Variants in NIBAN3 observed in about 807,000 individuals in gnomAD.
NIBAN3 encodes the protein niban apoptosis regulator 3, also known as protein Niban 3.
NIBAN3 carries 66 observed loss-of-function variants against 76.4 expected under a neutral mutation model. That is an observed-to-expected ratio of 0.86 (90% CI 0.71 to 1.06). The LOEUF is 1.06. Ranked by LOEUF, NIBAN3 falls within the 50% of genes least tolerant of loss-of-function variation. The probability of loss-of-function intolerance (pLI) is 0.00; values close to 1 mark genes in which losing one functional copy is unlikely to be tolerated. For missense variants in NIBAN3, 808 were observed against 810.7 expected, an observed-to-expected ratio of 1.00 and a Z score of 0.04; for synonymous variants, 360 against 355.2, an observed-to-expected ratio of 1.01 and a Z score of -0.15.
chr19:17,546,611 G>C, intron 12 of NIBAN3, 75 bp from the exon 13 acceptor site: 1 of 1,403,124 alleles, frequency 7.1e-7, no homozygotes, highest in Non-Finnish European at 9.3e-7. Flanking sequence ...CCCAGGGCTA[G>C]GGCAGAAGCC....
chr19:17,539,307 TC>T, intron 6 of NIBAN3, 39 bp from the exon 7 acceptor site: 1 of 1,560,694 alleles, frequency 6.4e-7, no homozygotes, highest in East Asian at 2.4e-5. Context: ...CCCAGGACCC[TC>T]CCGGCCGACC....
At chr19:17,529,753 C>G (rs2075678580) in intron 1 of NIBAN3, among the ~76,000 whole-genome samples, 1 of 152,134 alleles carries the variant, frequency 6.6e-6, no homozygotes, top group Non-Finnish European at 1.5e-5. Flanking sequence ...CTCAGCAAAC[C>G]ATATGCTTAC....
rs569133166 is a variant in NIBAN3, at chr19:17,551,965, C to T, written c.*67C>T. 26 of 696,864 alleles carry T rather than the reference C, an allele frequency of 3.7e-5. No homozygotes were observed. Among genetic ancestry groups the T allele is most frequent in the Middle Eastern group, 3.0e-4 (1 of 3,380 alleles). 43.2% of individuals were successfully genotyped at this position (696,864 alleles called of 1,614,324 possible). On this transcript the variant is annotated 3_prime_UTR_variant, in exon 15 of 15. Coordinates refer to ENST00000599164, the MANE Select transcript of NIBAN3 (RefSeq NM_001321827.2). Reference sequence around the variant, plus strand: ...TACAAGTGGAATTTCTGGGCCAAAACGGATGTGCCATCTTTAGGCTTTTGT... The same window carrying T: ...TACAAGTGGAATTTCTGGGCCAAAATGGATGTGCCATCTTTAGGCTTTTGT...
Position 17,551,988 on chromosome 19 carries a change from T to C in NIBAN3, c.*90T>C. 1 of 631,038 alleles carries C rather than the reference T, an allele frequency of 1.6e-6. No individual in the cohort carries two copies. The highest frequency in any genetic ancestry group is 3.0e-6 in the Non-Finnish European group (1 of 332,944). 39.1% of individuals were successfully genotyped at this position (631,038 alleles called of 1,614,324 possible). ...AACGGATGTGCCATCTTTAGGCTTT[T>C]GTAACCCCTGCAACTTCAGAAAACT... is the stretch of plus-strand genomic sequence containing the variant. On this transcript the variant is annotated 3_prime_UTR_variant, in exon 15 of 15. Coordinates refer to ENST00000599164, the MANE Select transcript of NIBAN3 (RefSeq NM_001321827.2).
intron 3 of NIBAN3, among the ~76,000 whole-genome samples, chr19:17,533,260 A>G (rs1157519789): frequency 2.6e-5 from 4 of 151,922 alleles, no homozygotes; most frequent in African/African-American, 7.2e-5. Context: ...AAATACAAAA[A>G]TTAGCCTGCT....
intron 8 of NIBAN3, 129 bp from the exon 9 acceptor site, chr19:17,540,263 C>T: frequency 1.6e-6 from 1 of 622,620 alleles, no homozygotes; most frequent in East Asian, 3.4e-5. Flanking sequence ...TCAGTTTTCT[C>T]ATCATTACAA....
rs1250547390 is a variant in NIBAN3 at position 17,551,255 on chromosome 19, C to T, written c.1751-531C>T. 3.3e-5 allele frequency among the ~76,000 whole-genome samples: 5 copies of T among 151,530 alleles called. No individual in the cohort carries two copies. In the East Asian group the frequency reaches 9.7e-4, roughly 29 times the overall value. ...GGATTACAGGCGTCCACCACCACGC[C>T]CGGCTACTTTTGTATTTTTAGTAGA... On this transcript the variant is annotated intron_variant, in intron 14 of 14. Transcript: ENST00000599164.
chr19:17,551,420 T>G lies in NIBAN3; in HGVS notation c.1751-366T>G, dbSNP rs540340357. ...TACATTTCTTTTTTTTTATTTTTATTTTTTGAGATGGAGTTTCGCTCTTGT... is the reference window on the plus strand; with the variant it reads ...TACATTTCTTTTTTTTTATTTTTATGTTTTGAGATGGAGTTTCGCTCTTGT... On this transcript the variant is annotated intron_variant, in intron 14 of 14. Transcript: ENST00000599164. 1.9e-3 allele frequency among the ~76,000 whole-genome samples: 295 copies of G among 151,700 alleles called. 2 individuals are homozygous for G. Among genetic ancestry groups the G allele is most frequent in the Non-Finnish European group, 1.4e-3 (98 of 67,924 alleles).
chr19:17,539,712 C>A lies in NIBAN3; in HGVS notation c.926C>A (p.Pro309Gln). 1 of 1,548,020 alleles carries A rather than the reference C, an allele frequency of 6.5e-7. No homozygotes were observed. Residue 309 changes from proline to glutamine, a missense_variant, in exon 8 of 15, where the codon CCG becomes CAG. Physicochemically the swap from Pro to Gln is moderately conservative, Grantham distance 76. Coordinates refer to ENST00000599164, the MANE Select transcript of NIBAN3 (RefSeq NM_001321827.2). The stretch of plus-strand genomic sequence containing the variant: ...GCGTCGCTGGAGAAGACGATCCGCC[C>A]GGACGTGGACCAGCTGCTGCGGCAG... ...LLASLEKTIR[P>Q]DVDQLLRQRA...
At position 17,546,702 on chromosome 19, in the gene NIBAN3, A is replaced by AG; in HGVS notation, c.1576dup (p.Asp526GlyfsTer13). 6.3e-7 allele frequency: 1 copy of AG among 1,588,564 alleles called. No homozygotes were observed. The highest frequency in any genetic ancestry group is 1.3e-5 in the African/African-American group (1 of 74,318). ...TGGTTCCAGGAGCTGCCTGAGTTCGAGGGGGATGTCCTTGCCGTGGGCAGC... is the reference window on the plus strand; with the variant it reads ...TGGTTCCAGGAGCTGCCTGAGTTCGAGGGGGGATGTCCTTGCCGTGGGCAGC... On this transcript the variant is annotated frameshift_variant, in exon 13 of 15. Transcript: ENST00000599164. LOFTEE classifies it high-confidence loss of function.
At chr19:17,543,991 CAAAA>C (rs11313110) in intron 12 of NIBAN3, 39 of 64,374 alleles carry the variant, frequency 6.1e-4, no homozygotes, top group Middle Eastern at 9.6e-3. Context: ...AACTCAGTCT[CAAAA>C]AAAAAAAAAA....
At chr19:17,543,458 C>T (rs770378293) in intron 11 of NIBAN3, 25 bp downstream of exon 11, 10 of 1,608,336 alleles carry the variant, frequency 6.2e-6, no homozygotes, top group Non-Finnish European at 7.7e-6. Context: ...TACGGGGTGG[C>T]ATGGGGTGGC....
chr19:17,534,165 A>T (rs1251764228), intron 4 of NIBAN3, among the ~76,000 whole-genome samples: 1 of 152,036 alleles, frequency 6.6e-6, no homozygotes, highest in Non-Finnish European at 1.5e-5. Context: ...GCCCCACTGC[A>T]CTCCAGCCTG....
Position 17,532,312 on chromosome 19 carries a change from G to A in NIBAN3, c.236G>A (p.Gly79Asp). Residue 79 changes from glycine (G) to aspartate (D), a missense_variant, in exon 3 of 15, where the codon GGC becomes GAC. Coordinates refer to ENST00000599164, the MANE Select transcript of NIBAN3 (RefSeq NM_001321827.2). The stretch of plus-strand genomic sequence containing the variant: ...CGAGGACCCCTGACCCAGCTTCGGG[G>A]CCACCCACCCCGGTGGCAGCCGATC... The part of the protein sequence containing the change: ...EHRGPLTQLR[G>D]HPPRWQPIFC... 6.2e-7 allele frequency: 1 copy of A among 1,614,100 alleles called. No individual in the cohort carries two copies. Among genetic ancestry groups the A allele is most frequent in the South Asian group, 1.1e-5 (1 of 91,086 alleles).
chr19:17,532,611 T>A (rs1189599400), intron 3 of NIBAN3, among the ~76,000 whole-genome samples: 1 of 152,194 alleles, frequency 6.6e-6, no homozygotes, highest in Non-Finnish European at 1.5e-5. Context: ...GATAGGGTCG[T>A]GGTCAGTATC....
chr19:17,527,728 G>T (rs112013160), intron 1 of NIBAN3, among the ~76,000 whole-genome samples: 2,558 of 146,150 alleles, frequency 0.018, 77 homozygotes, highest in African/African-American at 0.06. Flanking sequence ...TTCATTGGTT[G>T]TTTTTTTTTT....
chr19:17,553,697 G>C (rs2076190611), downstream of NIBAN3: 13 of 766,012 alleles, frequency 1.7e-5, no homozygotes, highest in South Asian at 2.2e-4. Flanking sequence ...GTTAATTCTG[G>C]AACAATTGCA....
chr19:17,552,113 C>G lies in NIBAN3; in HGVS notation c.*215C>G. 6.5e-6 allele frequency: 2 copies of G among 306,278 alleles called. No individual in the cohort carries two copies. Among genetic ancestry groups the G allele is most frequent in the Non-Finnish European group, 1.2e-5 (2 of 169,080 alleles). The allele number at this position is 306,278 out of a possible 1,614,324, so 19.0% of individuals were successfully genotyped here. On this transcript the variant is annotated 3_prime_UTR_variant, in exon 15 of 15. Transcript: ENST00000599164. ...TTTTTTTTTGAGACTGAGTCTTGCTCTGTCACCCGGGCTGGAGTGCAGTGG... is the reference window on the plus strand; with the variant it reads ...TTTTTTTTTGAGACTGAGTCTTGCTGTGTCACCCGGGCTGGAGTGCAGTGG...
Position 17,542,397 on chromosome 19 carries a change from C to T in NIBAN3, c.1329+103C>T. On this transcript the variant is annotated intron_variant, in intron 10 of 14. Coordinates refer to ENST00000599164, the MANE Select transcript of NIBAN3 (RefSeq NM_001321827.2). This position sits in a 1 kb window ranked among gnomAD's most constrained non-coding sequence, Gnocchi z 4.8. ...AGAGACCACGATGATCGAGACAACT[C>T]CGCGGGGCTGCCAGTCTCATGGGGA... 1 of 1,271,804 alleles carries T rather than the reference C, an allele frequency of 7.9e-7. No individual in the cohort carries two copies. Among genetic ancestry groups the T allele is most frequent in the Non-Finnish European group, 1.1e-6 (1 of 928,140 alleles). The allele number at this position is 1,271,804 out of a possible 1,614,324, so 78.8% of individuals were successfully genotyped here.
Sources: gnomAD v4.1 joint callset for allele counts (sites outside exome capture counted in the v4.1 genomes callset) on GRCh38, gnomAD v4.1.1 for gene constraint, Gnocchi (gnomAD v3.1) non-coding constraint, MANE v1.5 for transcripts, NCBI Gene and HGNC (gene_info 2026-07-23, HGNC 2026-07-21) for gene names.